MSRA: variants seen among roughly 807,000 people sequenced by gnomAD.
MSRA encodes mitochondrial peptide methionine sulfoxide reductase.
A neutral mutation model predicts 31.3 loss-of-function variants in MSRA; 54 were observed. The ratio of observed to expected loss-of-function variants is 1.73; its 90% CI spans 1.39 to 2.17. MSRA has a LOEUF of 2.17. Ranked by LOEUF, MSRA falls within the 30% of genes most tolerant of loss-of-function variation. MSRA has a pLI of 0.00. For synonymous variants in MSRA, 169 were observed against 116.5 expected (o/e 1.45, Z -2.90); for missense variants, 507 against 300.9 (o/e 1.69, Z -5.07).
intron 1 of MSRA, among the ~76,000 whole-genome samples, chr8:10,068,277 T>C (rs1197242765): frequency 6.6e-6 from 1 of 152,226 alleles, no homozygotes. Flanking sequence ...CTTGTCTTCT[T>C]ATCTTCTTGA....
chr8:10,143,847 C>T (rs886740092), intron 1 of MSRA, among the ~76,000 whole-genome samples: 5 of 152,174 alleles, frequency 3.3e-5, no homozygotes, highest in Non-Finnish European at 5.9e-5. Flanking sequence ...TTCCTCAAAC[C>T]TTATTCTTAT....
Position 10,233,003 on chromosome 8 carries a change from A to T in MSRA, c.212-12101A>T, listed in dbSNP as rs994274595. 9.8e-5 allele frequency among the ~76,000 whole-genome samples: 15 copies of T among 152,328 alleles called. No individual in the cohort carries two copies. The East Asian group carries it at 2.7e-3, about 27-fold the overall frequency. On this transcript the variant is annotated intron_variant, in intron 2 of 5. Transcript: ENST00000317173. Reference sequence around the variant, plus strand: ...ATGTAGATGTCCTTCAGAAGTTCCTAGGGGAGGTGGTGGTGGTGACAGGTA... The same window carrying T: ...ATGTAGATGTCCTTCAGAAGTTCCTTGGGGAGGTGGTGGTGGTGACAGGTA...
intron 1 of MSRA, among the ~76,000 whole-genome samples, chr8:10,105,584 CA>C (rs1799826605): frequency 6.6e-6 from 1 of 152,082 alleles, no homozygotes; most frequent in African/African-American, 2.4e-5. Flanking sequence ...GCAATGTTAC[CA>C]AATAGGAGTT....
intron 5 of MSRA, among the ~76,000 whole-genome samples, chr8:10,416,619 A>C (rs1305821208): frequency 6.6e-6 from 1 of 152,222 alleles, no homozygotes; most frequent in Non-Finnish European, 1.5e-5. Context: ...TGGCCAAAGC[A>C]GGTCCCGTGG....
rs867826054 is a variant in MSRA, at chr8:10,390,454, A to G, written c.544-37694A>G. Among the ~76,000 whole-genome samples, 13 of 152,210 alleles carry G rather than the reference A, an allele frequency of 8.5e-5. 1 individual carries two copies. In the Middle Eastern group the frequency reaches 0.014, roughly 159 times the overall value. On this transcript the variant is annotated intron_variant, in intron 5 of 5. Coordinates refer to ENST00000317173, the MANE Select transcript of MSRA (RefSeq NM_012331.5). ...CGAGGGCCACTGGCACTTGCCTCTTAGTCTTCCTCCCCACTCCCACCCGTG... is the reference window on the plus strand; with the variant it reads ...CGAGGGCCACTGGCACTTGCCTCTTGGTCTTCCTCCCCACTCCCACCCGTG...
intron 3 of MSRA, among the ~76,000 whole-genome samples, chr8:10,293,794 T>C (rs1409879205): frequency 6.6e-6 from 1 of 151,756 alleles, no homozygotes; most frequent in African/African-American, 2.4e-5. Flanking sequence ...CTCCTGTGAG[T>C]CTCCTGATGA....
intron 5 of MSRA, among the ~76,000 whole-genome samples, chr8:10,407,687 G>A (rs1318915294): frequency 6.6e-6 from 1 of 152,280 alleles, no homozygotes; most frequent in African/African-American, 2.4e-5. Context: ...CTGTAGGCAA[G>A]AGAAGAGAAG....
At chr8:10,322,932 A>G (rs185377175) in intron 5 of MSRA, among the ~76,000 whole-genome samples, 1 of 152,124 alleles carries the variant, frequency 6.6e-6, no homozygotes, top group African/African-American at 2.4e-5. Flanking sequence ...TCTACTAAAA[A>G]TACAAAAATT....
rs1369070458 is a variant in MSRA at position 10,104,527 on chromosome 8, A to C, written c.142+49869A>C. On this transcript the variant is annotated intron_variant, in intron 1 of 5. Coordinates refer to ENST00000317173, the MANE Select transcript of MSRA (RefSeq NM_012331.5). ...CTTCTAGGTCATAGGTAGATATAAA[A>C]ATTTTGATTGGCGACTGGTTGAAAG... Among the ~76,000 whole-genome samples, 4 of 152,144 alleles carry C rather than the reference A, an allele frequency of 2.6e-5. 1 individual carries two copies. In the South Asian group the frequency reaches 8.3e-4, roughly 31 times the overall value.
intron 3 of MSRA, among the ~76,000 whole-genome samples, chr8:10,268,306 C>A (rs183569634): frequency 7.9e-5 from 12 of 152,298 alleles, no homozygotes; most frequent in Admixed American, 1.3e-4. Flanking sequence ...TCTGTGGGCA[C>A]TCCAGACATT....
intron 1 of MSRA, among the ~76,000 whole-genome samples, chr8:10,157,166 A>G (rs1277581952): frequency 6.6e-6 from 1 of 152,110 alleles, no homozygotes; most frequent in South Asian, 2.1e-4. Flanking sequence ...CTGGAAATAA[A>G]CCATTTTACA....
intron 1 of MSRA, among the ~76,000 whole-genome samples, chr8:10,121,359 C>T (rs1801094565): frequency 6.6e-6 from 1 of 152,138 alleles, no homozygotes; most frequent in Non-Finnish European, 1.5e-5. Context: ...CCACCTGAGG[C>T]TGGAGATTGT....
intron 3 of MSRA, among the ~76,000 whole-genome samples, chr8:10,260,174 GC>G (rs1341819566): frequency 3.3e-5 from 5 of 152,242 alleles, no homozygotes; most frequent in African/African-American, 4.8e-5. Flanking sequence ...CTGTGTGTGG[GC>G]GAGCCATTGA....
chr8:10,312,429 G>C (rs1375654635), intron 4 of MSRA, among the ~76,000 whole-genome samples: 1 of 152,194 alleles, frequency 6.6e-6, no homozygotes, highest in Non-Finnish European at 1.5e-5. Context: ...TAAAAATATA[G>C]TTTAATAAAA....
chr8:10,088,289 T>C (rs1321423399), intron 1 of MSRA, among the ~76,000 whole-genome samples: 1 of 152,146 alleles, frequency 6.6e-6, no homozygotes, highest in Non-Finnish European at 1.5e-5. Context: ...CCTACAGAAG[T>C]TAAAAATGGA....
At chr8:10,291,141 C>T (rs975375784) in intron 3 of MSRA, among the ~76,000 whole-genome samples, 1 of 152,192 alleles carries the variant, frequency 6.6e-6, no homozygotes, top group Non-Finnish European at 1.5e-5. Flanking sequence ...AAAGAATTAA[C>T]GGTTGCCATT....
chr8:10,066,083 C>G (rs199538605), intron 1 of MSRA, among the ~76,000 whole-genome samples: 1 of 152,092 alleles, frequency 6.6e-6, no homozygotes, highest in East Asian at 1.9e-4. Flanking sequence ...AGTGCAGTGG[C>G]ATGATCTCGG....
chr8:10,421,007 C>G (rs575068974), intron 5 of MSRA, among the ~76,000 whole-genome samples: 3 of 152,136 alleles, frequency 2.0e-5, no homozygotes, highest in Non-Finnish European at 1.5e-5. Flanking sequence ...CAAAAACAAA[C>G]CACCACCAAA....
chr8:10,295,827 G>A (rs1315065615), intron 3 of MSRA, among the ~76,000 whole-genome samples: 9 of 152,118 alleles, frequency 5.9e-5, no homozygotes, highest in Non-Finnish European at 4.4e-5. Flanking sequence ...GGACTCTGGT[G>A]GACAAAGGTT....
Sources: gnomAD v4.1 joint callset for allele counts (sites outside exome capture counted in the v4.1 genomes callset) on GRCh38, gnomAD v4.1.1 for gene constraint, MANE v1.5 for transcripts, NCBI Gene and HGNC (gene_info 2026-07-23, HGNC 2026-07-21) for gene names.